Variants in NLGN1 observed in about 807,000 individuals in gnomAD.
NLGN1 encodes the protein neuroligin 1.
A neutral mutation model predicts 65.5 loss-of-function variants in NLGN1; 12 were observed. The observed-to-expected ratio is 0.18, with a 90% CI of 0.12 to 0.30. The LOEUF is 0.30. Among genes scored for constraint, NLGN1 ranks in the 10% least tolerant of loss-of-function variants. The pLI, the probability that NLGN1 is intolerant of heterozygous loss-of-function variation, is 1.00. For missense variants in NLGN1, 750 were observed against 1,007.1 expected (o/e 0.74, Z 3.46); for synonymous variants, 350 against 359.5 (o/e 0.97, Z 0.30).
At chr3:173,918,704 A>G (rs13326659) in intron 4 of NLGN1, among the ~76,000 whole-genome samples, 2,704 of 76,976 alleles carry the variant, frequency 0.035, 52 homozygotes, top group African/African-American at 0.11. Flanking sequence ...GTGTGTGTGT[A>G]TATATATATA....
At position 173,539,449 on chromosome 3, in the gene NLGN1, A is replaced by G. The variant is rs182593920; in HGVS notation, c.-320-64830A>G. On this transcript the variant is annotated intron_variant, in intron 2 of 6. Coordinates refer to ENST00000457714, the Ensembl canonical transcript of NLGN1. ...ATATAACATATATATGTACATGTAT[A>G]TACATACATGTACATATGTATATAC... Among the ~76,000 whole-genome samples, 784 of 145,758 alleles carry G rather than the reference A, an allele frequency of 5.4e-3. 19 individuals carry two copies. The South Asian group carries it at 0.056, about 10-fold the overall frequency.
chr3:173,539,512 T>C (rs1413408898), intron 2 of NLGN1, among the ~76,000 whole-genome samples: 1 of 143,080 alleles, frequency 7.0e-6, no homozygotes, highest in East Asian at 2.0e-4. Context: ...TATATGTATG[T>C]ACATGTATAT....
At chr3:173,815,019 T>A (rs1718731594) in intron 4 of NLGN1, among the ~76,000 whole-genome samples, 1 of 152,080 alleles carries the variant, frequency 6.6e-6, no homozygotes, top group East Asian at 1.9e-4. Context: ...TTCTTTTCTT[T>A]CCTTTCCCTT....
At chr3:173,996,847 G>A (rs1401450126) in intron 4 of NLGN1, among the ~76,000 whole-genome samples, 2 of 152,120 alleles carry the variant, frequency 1.3e-5, no homozygotes, top group South Asian at 2.1e-4. Flanking sequence ...GGCAGGGGAG[G>A]TGGTTGGGGA....
chr3:173,755,923 A>T (rs569283682), intron 3 of NLGN1, among the ~76,000 whole-genome samples: 2 of 152,132 alleles, frequency 1.3e-5, no homozygotes, highest in African/African-American at 2.4e-5. Flanking sequence ...TAATGATGTT[A>T]TATATTGATT....
At chr3:173,704,412 G>A (rs1445821147) in intron 3 of NLGN1, among the ~76,000 whole-genome samples, 1 of 151,960 alleles carries the variant, frequency 6.6e-6, no homozygotes, top group African/African-American at 2.4e-5. Context: ...CAGTCAGTTG[G>A]GAATTATTGT....
chr3:173,878,747 G>A (rs1392075562), intron 4 of NLGN1, among the ~76,000 whole-genome samples: 3 of 147,446 alleles, frequency 2.0e-5, no homozygotes, highest in Non-Finnish European at 4.5e-5. Context: ...TGTGCTTCAG[G>A]CTCTGTGTAG....
intron 2 of NLGN1, among the ~76,000 whole-genome samples, chr3:173,521,462 A>G (rs1395224700): frequency 6.7e-6 from 1 of 148,626 alleles, no homozygotes; most frequent in Non-Finnish European, 1.5e-5. Flanking sequence ...AAAGTATTGA[A>G]CACCCAAATG....
chr3:173,565,615 G>T (rs1361538681), intron 2 of NLGN1, among the ~76,000 whole-genome samples: 1 of 152,068 alleles, frequency 6.6e-6, no homozygotes, highest in Admixed American at 6.5e-5. Context: ...ACATTGCACA[G>T]GAAAATAGAG....
At chr3:173,492,471 T>C (rs1436560718) in intron 2 of NLGN1, among the ~76,000 whole-genome samples, 1 of 151,766 alleles carries the variant, frequency 6.6e-6, no homozygotes, top group African/African-American at 2.4e-5. Flanking sequence ...CTGTATTTGA[T>C]TGAAGAAAAA....
At chr3:173,753,051 CT>C (rs1378112786) in intron 3 of NLGN1, among the ~76,000 whole-genome samples, 3 of 152,110 alleles carry the variant, frequency 2.0e-5, no homozygotes, top group African/African-American at 7.2e-5. Flanking sequence ...ACCCACCCGT[CT>C]TTTCAGTACC....
chr3:174,219,949 AG>A (rs1235886231), intron 4 of NLGN1, among the ~76,000 whole-genome samples: 7 of 152,142 alleles, frequency 4.6e-5, no homozygotes, highest in African/African-American at 1.7e-4. Context: ...TGTCAGACAG[AG>A]AGAAGCTGTT....
chr3:174,037,370 G>A (rs1731365141), intron 4 of NLGN1, among the ~76,000 whole-genome samples: 1 of 152,102 alleles, frequency 6.6e-6, no homozygotes, highest in Admixed American at 6.6e-5. Context: ...AATCATCCGT[G>A]ATAATTTCTT....
At chr3:173,902,454 G>A (rs975781432) in intron 4 of NLGN1, among the ~76,000 whole-genome samples, 2 of 152,098 alleles carry the variant, frequency 1.3e-5, no homozygotes, top group Admixed American at 6.6e-5. Context: ...AGAGTTACAG[G>A]TCAACCTGAT....
intron 4 of NLGN1, among the ~76,000 whole-genome samples, chr3:174,265,944 ATATGTG>A (rs1748100223): frequency 6.8e-6 from 1 of 147,552 alleles, no homozygotes; most frequent in Admixed American, 6.8e-5. Flanking sequence ...ATATATGTAT[ATATGTG>A]TATGTGTATA....
intron 2 of NLGN1, among the ~76,000 whole-genome samples, chr3:173,482,850 T>G (rs1345819322): frequency 6.6e-6 from 1 of 152,008 alleles, no homozygotes; most frequent in Non-Finnish European, 1.5e-5. Context: ...TTAACAACTA[T>G]TATTACATGG....
intron 4 of NLGN1, among the ~76,000 whole-genome samples, chr3:173,992,206 A>G (rs1367227118): frequency 1.3e-5 from 2 of 152,132 alleles, no homozygotes; most frequent in East Asian, 3.8e-4. Flanking sequence ...CACACATAAT[A>G]TATGTATATT....
intron 3 of NLGN1, among the ~76,000 whole-genome samples, chr3:173,637,692 A>G (rs932565874): frequency 3.3e-5 from 5 of 152,184 alleles, no homozygotes; most frequent in Admixed American, 3.3e-4. Context: ...AGAAGCTTCC[A>G]TGATACTTTA....
chr3:173,888,653 T>G (rs1018206933), intron 4 of NLGN1, among the ~76,000 whole-genome samples: 3 of 152,136 alleles, frequency 2.0e-5, no homozygotes, highest in Non-Finnish European at 4.4e-5. Flanking sequence ...TATAATAAAC[T>G]TATGACATTT....
Sources: allele counts gnomAD v4.1 joint callset (sites outside exome capture counted in the v4.1 genomes callset), GRCh38; gene constraint gnomAD v4.1.1; transcripts MANE v1.5; gene names NCBI Gene and HGNC (gene_info 2026-07-23, HGNC 2026-07-21).